The following MLLT6 variants were observed in gnomAD, a reference collection of about 807,000 sequenced individuals.
MLLT6 encodes MLLT6, PHD finger containing, also known as protein AF-17.
MLLT6 carries 22 observed loss-of-function variants against 103.0 expected under a neutral mutation model. That is an observed-to-expected ratio of 0.21 (90% confidence interval 0.15 to 0.31). The LOEUF is 0.31. MLLT6 is among the 10% of genes least tolerant of loss of function. The pLI is 1.00. For missense variants in MLLT6, 1,199 were observed against 1,441.7 expected (o/e 0.83, Z 2.73); for synonymous variants, 606 against 623.5 (o/e 0.97, Z 0.42).
chr17:38,727,133 GT>G lies in MLLT6; in HGVS notation c.*1551del, dbSNP rs757431772. 13,428 of 201,024 alleles carry G rather than the reference GT, an allele frequency of 0.067. 26 individuals are homozygous for G. Among genetic ancestry groups the G allele is most frequent in the East Asian group, 0.098 (1,338 of 13,586 alleles). 12.5% of individuals were successfully genotyped at this position (201,024 alleles called of 1,614,324 possible). ...TTTCTGTTTGGGTTTTTGTTGTTGG[GT>G]TTTTTTTTTTTTTTTAATAAAGAAA... is the stretch of plus-strand genomic sequence containing the variant. On this transcript the variant is annotated 3_prime_UTR_variant, in exon 20 of 20. Transcript: ENST00000621332.
rs1294702487 is a variant in MLLT6, at chr17:38,717,485, G to A, written c.1705G>A (p.Ala569Thr). 6.2e-7 allele frequency: 1 copy of A among 1,612,344 alleles called. No individual in the cohort carries two copies. The highest frequency in any genetic ancestry group is 1.7e-5 in the Admixed American group (1 of 59,868). The change falls in exon 11 of 20, where the codon GCT (alanine) becomes ACT (threonine). Residue 569 changes from alanine to threonine, a missense_variant. Physicochemically the swap from Ala to Thr is moderately conservative, Grantham distance 58. Transcript: ENST00000621332. ...PISHSGGMLR[A>T]VCSTPLSSSL... ...CTCCCACAGTGGCGGGATGCTGCGG[G>A]CTGTCTGCAGCACCCCTCTCTCCTC...
chr17:38,729,119 C>T lies in MLLT6; in HGVS notation c.*3521C>T, dbSNP rs747825821. ...CAGCTCCGAGAAAGGGTAACCTCCA[C>T]GCTTCTCTCTCCCAAATTGGAAATG... On this transcript the variant is annotated 3_prime_UTR_variant, in exon 20 of 20. Coordinates refer to ENST00000621332, the MANE Select transcript of MLLT6 (RefSeq NM_005937.4). 4.7e-5 allele frequency: 11 copies of T among 233,240 alleles called. No individual in the cohort carries two copies. The highest frequency in any genetic ancestry group is 5.9e-5 in the Non-Finnish European group (7 of 118,136). 14.4% of individuals were successfully genotyped at this position (233,240 alleles called of 1,614,324 possible). A position where few individuals can be genotyped will look rare whatever the true frequency, so the allele number is the denominator to read the frequency against.
At chr17:38,714,589 A>AT in intron 8 of MLLT6, 1 of 152,242 alleles carries the variant, frequency 6.6e-6, no homozygotes, top group Non-Finnish European at 1.5e-5. Flanking sequence ...AATACACAAA[A>AT]TTAGCCGGGT....
chr17:38,721,781 G>A, intron 16 of MLLT6, 97 bp from the exon 17 acceptor site: 1 of 779,474 alleles, frequency 1.3e-6, no homozygotes, highest in Non-Finnish European at 1.9e-6. Context: ...GTGAAGTGGG[G>A]GTTGCTGTGC....
At chr17:38,717,334 G>A (rs1905398526) in intron 10 of MLLT6, 98 bp from the exon 11 acceptor site, 1 of 968,152 alleles carries the variant, frequency 1.0e-6, no homozygotes, top group Admixed American at 2.4e-5. Flanking sequence ...CAGATCCCGG[G>A]GAGCACTCGA....
rs1000007336 is a variant in MLLT6 at position 38,722,027 on chromosome 17, C to T, written c.2592C>T (p.Asn864=). 24 of 1,440,822 alleles carry T rather than the reference C, an allele frequency of 1.7e-5. No homozygotes were observed. The highest frequency in any genetic ancestry group is 1.8e-5 in the Non-Finnish European group (20 of 1,099,026). 89.3% of individuals were successfully genotyped at this position (1,440,822 alleles called of 1,614,324 possible). A position where few individuals can be genotyped will look rare whatever the true frequency, so the allele number is the denominator to read the frequency against. ...CCCCACTCCCGCCCCAGCCGCAGAA[C>T]GGGTTGGGCCGGGCACCCGGGGCAG... is the stretch of plus-strand genomic sequence containing the variant. ...APAPLPPQPQ[N]GLGRAPGAAG... is the part of the protein sequence containing the mutation. The change falls in exon 17 of 20, where the codon AAC becomes AAT. Residue 864 remains asparagine, a synonymous_variant. Transcript: ENST00000621332.
At position 38,709,748 on chromosome 17, in the gene MLLT6, G is replaced by T. The variant is rs781601977; in HGVS notation, c.552+173G>T. On this transcript the variant is annotated intron_variant, in intron 6 of 19. Coordinates refer to ENST00000621332, the MANE Select transcript of MLLT6 (RefSeq NM_005937.4). This position sits in a 1 kb window ranked among gnomAD's most constrained non-coding sequence, Gnocchi z 4.3. ...GATGAGGAATAAAGTACAGCTTCAGGTGTGTGGATCAGAGCTAGACCAAGC... is the reference window on the plus strand; with the variant it reads ...GATGAGGAATAAAGTACAGCTTCAGTTGTGTGGATCAGAGCTAGACCAAGC... 6.6e-6 allele frequency among the ~76,000 whole-genome samples: 1 copy of T among 152,238 alleles called. No individual in the cohort carries two copies. Among genetic ancestry groups the T allele is most frequent in the Admixed American group, 6.5e-5 (1 of 15,280 alleles).
intron 2 of MLLT6, 112 bp from the exon 3 acceptor site, chr17:38,707,373 GC>G: frequency 1.1e-6 from 1 of 938,566 alleles, no homozygotes. Flanking sequence ...TTCCACTGTA[GC>G]CCCATCCATC....
At chr17:38,707,166 C>G in intron 2 of MLLT6, 137 bp downstream of exon 2, 1 of 689,018 alleles carries the variant, frequency 1.5e-6, no homozygotes. Flanking sequence ...TTCCTGCACA[C>G]CTACCTCCAA....
In MLLT6 at chr17:38,709,301, GC is replaced by G. The variant is rs752358848; in HGVS notation, c.458+31del. 6.3e-7 allele frequency: 1 copy of G among 1,593,452 alleles called. No individual in the cohort carries two copies. Among genetic ancestry groups the G allele is most frequent in the African/African-American group, 1.3e-5 (1 of 74,604 alleles). On this transcript the variant is annotated intron_variant, in intron 5 of 19. Coordinates refer to ENST00000621332, the MANE Select transcript of MLLT6 (RefSeq NM_005937.4). This position sits in a 1 kb window ranked among gnomAD's most constrained non-coding sequence, Gnocchi z 4.3. ...GGTGAGACCCCTGTCCCACCCCCCT[GC>G]CCCCCGGGTTTGTCCTGGATGGCCA...
At chr17:38,707,262 A>C (rs1231012894) in intron 2 of MLLT6, among the ~76,000 whole-genome samples, 1 of 152,100 alleles carries the variant, frequency 6.6e-6, no homozygotes, top group African/African-American at 2.4e-5. Context: ...CTTTTTTATT[A>C]TGGGAAGTTT....
At position 38,719,746 on chromosome 17, in the gene MLLT6, G is replaced by A. The variant is rs759000302; in HGVS notation, c.2010-4G>A. ...GACTGAACCCAGGTTCCCTCTGGCCGCAGGTCCCCCATCAGCAGCCTCCCC... is the reference window on the plus strand; with the variant it reads ...GACTGAACCCAGGTTCCCTCTGGCCACAGGTCCCCCATCAGCAGCCTCCCC... On this transcript the variant is annotated splice_region_variant and splice_polypyrimidine_tract_variant and intron_variant, in intron 13 of 19. Transcript: ENST00000621332. The A allele has an allele frequency of 1.9e-6, 3 of 1,605,626 alleles. No homozygotes were observed. Among genetic ancestry groups the A allele is most frequent in the Non-Finnish European group, 1.7e-6 (2 of 1,174,550 alleles).
At chr17:38,708,945 A>G (rs1905043276) in intron 4 of MLLT6, 1 of 523,722 alleles carries the variant, frequency 1.9e-6, no homozygotes, top group African/African-American at 2.0e-5. Context: ...TTTAGAATCT[A>G]GTTCCTCAGT....
intron 19 of MLLT6, 110 bp downstream of exon 19, chr17:38,725,086 T>C: frequency 2.5e-6 from 2 of 804,552 alleles, no homozygotes; most frequent in South Asian, 1.9e-5. Context: ...AAGCAACCCC[T>C]AGGTCAGCAA....
At chr17:38,708,994 C>G (rs1328365198) in intron 4 of MLLT6, 179 bp from the exon 5 acceptor site, 2 of 595,182 alleles carry the variant, frequency 3.4e-6, no homozygotes, top group Non-Finnish European at 5.9e-6. Context: ...GCCCATGTGA[C>G]TGGTGGCATT....
rs907467323 is a variant in MLLT6, at chr17:38,728,492, G to C, written c.*2894G>C. 2.6e-5 allele frequency: 6 copies of C among 233,448 alleles called. No homozygotes were observed. Among genetic ancestry groups the C allele is most frequent in the Non-Finnish European group, 5.1e-5 (6 of 118,164 alleles). The allele number at this position is 233,448 out of a possible 1,614,324, so 14.5% of individuals were successfully genotyped here. A position where few individuals can be genotyped will look rare whatever the true frequency, so the allele number is the denominator to read the frequency against. ...TCAGTGAGGAGGTGTGAGTGGGTGA[G>C]CATGTGGAGTTGGGTGTTCCCACCC... is the stretch of plus-strand genomic sequence containing the variant. On this transcript the variant is annotated 3_prime_UTR_variant, in exon 20 of 20. Coordinates refer to ENST00000621332, the MANE Select transcript of MLLT6 (RefSeq NM_005937.4).
chr17:38,716,521 G>A lies in MLLT6; in HGVS notation c.1191G>A (p.Lys397=), dbSNP rs1458700375. 5 of 1,614,060 alleles carry A rather than the reference G, an allele frequency of 3.1e-6. No homozygotes were observed. The highest frequency in any genetic ancestry group is 2.2e-5 in the East Asian group (1 of 44,898). The part of the protein sequence containing the change: ...EPPKADLFEQ[K]VVFSGFGPIM... ...CCAAGGCTGACCTTTTTGAGCAGAA[G>A]GTGGTCTTCTCTGGCTTTGGGCCCA... The change falls in exon 10 of 20, where the codon AAG becomes AAA. Residue 397 remains lysine, a synonymous_variant. Transcript: ENST00000621332. The surrounding 1 kb of genome is among the most constrained non-coding windows in gnomAD (Gnocchi z 5.6).
In MLLT6 at chr17:38,715,802, C is replaced by T. The variant is rs781349231; in HGVS notation, c.1010C>T (p.Ser337Phe). The T allele has an allele frequency of 3.2e-5, 51 of 1,603,160 alleles. No individual in the cohort carries two copies. The highest frequency in any genetic ancestry group is 4.3e-5 in the Non-Finnish European group (50 of 1,174,506). The part of the protein sequence containing the change: ...ASSSSSSSSS[S>F]SGGPFQPAVS... ...TCTTCTTCCTCCTCCTCTTCCTCCTCCTCTGGGGGGCCCTTCCAGCCTGCA... is the reference window on the plus strand; with the variant it reads ...TCTTCTTCCTCCTCCTCTTCCTCCTTCTCTGGGGGGCCCTTCCAGCCTGCA... Residue 337 changes from serine to phenylalanine, a missense_variant, in exon 9 of 20, where the codon TCC becomes TTC. Physicochemically the swap from Ser to Phe is radical, Grantham distance 155. Coordinates refer to ENST00000621332, the MANE Select transcript of MLLT6 (RefSeq NM_005937.4).
chr17:38,719,936 C>A, intron 14 of MLLT6, 41 bp downstream of exon 14: 1 of 1,520,154 alleles, frequency 6.6e-7, no homozygotes. Context: ...TGCCCTAGGG[C>A]CCTAACAGTC....
Sources: gnomAD v4.1 joint callset for allele counts (sites outside exome capture counted in the v4.1 genomes callset) on GRCh38, gnomAD v4.1.1 for gene constraint, Gnocchi (gnomAD v3.1) non-coding constraint, MANE v1.5 for transcripts, NCBI Gene and HGNC (gene_info 2026-07-23, HGNC 2026-07-21) for gene names.